Variants in SPIDR observed in about 807,000 individuals in gnomAD.
SPIDR encodes scaffold protein involved in DNA repair.
In SPIDR, 93 loss-of-function variants were observed where a neutral mutation model predicts 104.6. The observed-to-expected ratio is 0.89, with a 90% CI of 0.75 to 1.06. SPIDR has a LOEUF of 1.06. SPIDR is among the 50% of genes least tolerant of loss of function. SPIDR has a pLI of 0.00. For missense variants in SPIDR, 1,154 were observed against 1,111.2 expected (o/e 1.04, Z -0.55); for synonymous variants, 431 against 416.9 (o/e 1.03, Z -0.41).
intron 5 of SPIDR, among the ~76,000 whole-genome samples, chr8:47,392,611 A>AG (rs1359670470): frequency 6.6e-6 from 1 of 152,240 alleles, no homozygotes; most frequent in African/African-American, 2.4e-5. Context: ...AGAATTTTGA[A>AG]GTACTACCTG....
intron 8 of SPIDR, among the ~76,000 whole-genome samples, chr8:47,463,615 A>G (rs1190292862): frequency 2.0e-5 from 3 of 152,186 alleles, no homozygotes; most frequent in African/African-American, 7.2e-5. Flanking sequence ...TGATGAAAAA[A>G]TCCTCAACAA....
At chr8:47,458,308 T>A (rs1421972198) in intron 8 of SPIDR, among the ~76,000 whole-genome samples, 1 of 150,802 alleles carries the variant, frequency 6.6e-6, no homozygotes, top group Non-Finnish European at 1.5e-5. Context: ...CCTCTTTGGT[T>A]AAGCATATTC....
chr8:47,336,443 T>A (rs1333330803), intron 5 of SPIDR, among the ~76,000 whole-genome samples: 6 of 152,168 alleles, frequency 3.9e-5, no homozygotes, highest in African/African-American at 1.4e-4. Flanking sequence ...AGCTCAGTCT[T>A]AAATCCCTCT....
chr8:47,546,153 T>C (rs1326431322), intron 8 of SPIDR, among the ~76,000 whole-genome samples: 3 of 151,362 alleles, frequency 2.0e-5, no homozygotes, highest in Non-Finnish European at 2.9e-5. Context: ...TCCTCTTCTA[T>C]TTCGTGAAAA....
chr8:47,731,127 G>A lies in SPIDR; in HGVS notation c.2604+1662G>A, dbSNP rs555393109. The stretch of plus-strand genomic sequence containing the variant: ...ACAAAAAAGCTGGGTGTGGTGGTGC[G>A]CATCTGTAACCCCAGCTACTCGGGA... On this transcript the variant is annotated intron_variant, in intron 19 of 19. Coordinates refer to ENST00000297423, the MANE Select transcript of SPIDR (RefSeq NM_001080394.4). Among the ~76,000 whole-genome samples the A allele has an allele frequency of 1.5e-4, 23 of 152,092 alleles. No homozygotes were observed. In the South Asian group the frequency reaches 3.7e-3, roughly 25 times the overall value.
At chr8:47,526,795 A>T (rs959524405) in intron 8 of SPIDR, among the ~76,000 whole-genome samples, 2 of 152,206 alleles carry the variant, frequency 1.3e-5, no homozygotes, top group African/African-American at 4.8e-5. Context: ...CTTCACAATA[A>T]GAAAAAGTTG....
At chr8:47,723,522 C>T (rs148323894) in intron 16 of SPIDR, among the ~76,000 whole-genome samples, 137 of 151,520 alleles carry the variant, frequency 9.0e-4, no homozygotes, top group African/African-American at 3.2e-3. Context: ...CTCCGCCTCC[C>T]GGGTTCATGC....
intron 8 of SPIDR, among the ~76,000 whole-genome samples, chr8:47,454,995 C>T (rs2154350508): frequency 6.6e-6 from 1 of 152,216 alleles, no homozygotes; most frequent in South Asian, 2.1e-4. Context: ...GCAAGTCCTT[C>T]AGGCTGAAAG....
intron 1 of SPIDR, among the ~76,000 whole-genome samples, chr8:47,278,406 A>C (rs1374480136): frequency 9.4e-4 from 141 of 149,214 alleles, no homozygotes; most frequent in Admixed American, 2.5e-3. Flanking sequence ...TGCAGCCTTG[A>C]CCTCCTGGGC....
intron 1 of SPIDR, among the ~76,000 whole-genome samples, chr8:47,272,624 C>T (rs1189566115): frequency 2.0e-5 from 3 of 152,122 alleles, no homozygotes; most frequent in African/African-American, 7.2e-5. Flanking sequence ...GGCAGCGCCT[C>T]GAGATGATCC....
intron 11 of SPIDR, among the ~76,000 whole-genome samples, chr8:47,688,118 TTTTTA>T (rs1007172116): frequency 2.6e-5 from 4 of 152,056 alleles, no homozygotes; most frequent in Non-Finnish European, 5.9e-5. Flanking sequence ...TGTGTTTTGC[TTTTTA>T]TTTTATTTTA....
At chr8:47,387,874 C>T (rs549976409) in intron 5 of SPIDR, among the ~76,000 whole-genome samples, 1 of 152,218 alleles carries the variant, frequency 6.6e-6, no homozygotes, top group African/African-American at 2.4e-5. Context: ...CTGCTTTCTT[C>T]AGTGATATCT....
At chr8:47,732,058 T>G (rs1434458352) in intron 19 of SPIDR, 4 of 686,670 alleles carry the variant, frequency 5.8e-6, no homozygotes, top group African/African-American at 5.3e-5. Flanking sequence ...CTGGCATCCC[T>G]GGTCACCATC....
chr8:47,706,760 A>G (rs1462290568), intron 14 of SPIDR, among the ~76,000 whole-genome samples: 2 of 152,200 alleles, frequency 1.3e-5, no homozygotes, highest in Non-Finnish European at 2.9e-5. Flanking sequence ...TAAAGTTCCA[A>G]AAACTAGATA....
intron 8 of SPIDR, among the ~76,000 whole-genome samples, chr8:47,504,543 T>C (rs1257751583): frequency 6.6e-6 from 1 of 152,180 alleles, no homozygotes; most frequent in African/African-American, 2.4e-5. Context: ...CGTCTAATCT[T>C]TTTTCAAGGT....
intron 5 of SPIDR, among the ~76,000 whole-genome samples, chr8:47,320,730 A>G (rs1005681494): frequency 6.6e-6 from 1 of 152,208 alleles, no homozygotes; most frequent in Non-Finnish European, 1.5e-5. Context: ...CCAGCATCAC[A>G]TGGAAAAGCT....
chr8:47,561,003 C>T (rs768027956), intron 8 of SPIDR, among the ~76,000 whole-genome samples: 1 of 152,198 alleles, frequency 6.6e-6, no homozygotes, highest in Non-Finnish European at 1.5e-5. Context: ...TTCCAGTTTG[C>T]CAGGTTGTCA....
At chr8:47,301,132 C>T (rs1056233289) in intron 5 of SPIDR, among the ~76,000 whole-genome samples, 7 of 151,962 alleles carry the variant, frequency 4.6e-5, no homozygotes, top group East Asian at 1.9e-4. Context: ...TGGGTGCTCC[C>T]GTATTGGGTG....
chr8:47,728,184 A>C (rs1330932160), intron 17 of SPIDR, among the ~76,000 whole-genome samples: 1 of 152,018 alleles, frequency 6.6e-6, no homozygotes, highest in East Asian at 1.9e-4. Context: ...TAATCCCAAT[A>C]CTGTGGGAGG....
Sources: gnomAD v4.1 joint callset for allele counts (sites outside exome capture counted in the v4.1 genomes callset) on GRCh38, gnomAD v4.1.1 for gene constraint, MANE v1.5 for transcripts, NCBI Gene and HGNC (gene_info 2026-07-23, HGNC 2026-07-21) for gene names.